The following LRFN2 variants were observed in gnomAD, a reference collection of about 807,000 sequenced individuals.
LRFN2 encodes leucine-rich repeat and fibronectin type-III domain-containing protein 2.
Under a neutral mutation model 37.3 loss-of-function variants are expected in LRFN2, and 18 were observed. That is an observed-to-expected ratio of 0.48 (90% confidence interval 0.33 to 0.72). The LOEUF (loss-of-function observed/expected upper bound fraction) is 0.72. Among genes scored for constraint, LRFN2 ranks in the 30% least tolerant of loss-of-function variants. LRFN2 has a pLI of 0.02. For synonymous variants in LRFN2, 556 were observed against 466.6 expected (o/e 1.19, Z -2.47); for missense variants, 1,006 against 1,060.7 (o/e 0.95, Z 0.72).
At chr6:40,485,028 T>C (rs575087230) in intron 1 of LRFN2, among the ~76,000 whole-genome samples, 1 of 152,236 alleles carries the variant, frequency 6.6e-6, no homozygotes, top group Non-Finnish European at 1.5e-5. Context: ...CACAATATTC[T>C]GCATTCATGT....
intron 1 of LRFN2, among the ~76,000 whole-genome samples, chr6:40,532,368 T>C (rs1766359449): frequency 6.6e-6 from 1 of 152,246 alleles, no homozygotes; most frequent in African/African-American, 2.4e-5. Flanking sequence ...AGCTATTTGT[T>C]TTATATTTGT....
Position 40,444,987 on chromosome 6 carries a change from C to A in LRFN2, c.-18-11856G>T, listed in dbSNP as rs1763934643. 2.0e-5 allele frequency among the ~76,000 whole-genome samples: 3 copies of A among 152,042 alleles called. No individual in the cohort carries two copies. The South Asian group carries it at 6.2e-4, about 32-fold the overall frequency. On this transcript the variant is annotated intron_variant, in intron 1 of 2. Coordinates refer to ENST00000338305, the MANE Select transcript of LRFN2 (RefSeq NM_020737.3). ...GAACATTGCAGTCAAGCCCTCCCTC[C>A]TTCCTGCACCCCCTCCACCTCACCC...
intron 1 of LRFN2, among the ~76,000 whole-genome samples, chr6:40,512,538 G>GGCCAA (rs1267071493): frequency 6.6e-6 from 1 of 152,168 alleles, no homozygotes; most frequent in Non-Finnish European, 1.5e-5. Flanking sequence ...CCCCAGGCCA[G>GGCCAA]GCCAAGCCAG....
chr6:40,431,473 G>A lies in LRFN2; in HGVS notation c.1400+241C>T, dbSNP rs141175563. On this transcript the variant is annotated intron_variant, in intron 2 of 2. Transcript: ENST00000338305. The stretch of plus-strand genomic sequence containing the variant: ...CTGACCACAGCCACCCAGCCGGGAG[G>A]TGTGGTCTTTCTTTACACATATCTC... 3.3e-3 allele frequency among the ~76,000 whole-genome samples: 510 copies of A among 152,358 alleles called. 9 individuals are homozygous for A. Among genetic ancestry groups the A allele is most frequent in the Admixed American group, 0.029 (443 of 15,308 alleles).
At chr6:40,549,333 C>G (rs1452686769) in intron 1 of LRFN2, among the ~76,000 whole-genome samples, 1 of 152,162 alleles carries the variant, frequency 6.6e-6, no homozygotes, top group Admixed American at 6.5e-5. Context: ...ATTGGCAAAA[C>G]TTGTCATGCA....
chr6:40,550,246 G>A (rs1002888267), intron 1 of LRFN2, among the ~76,000 whole-genome samples: 1 of 152,122 alleles, frequency 6.6e-6, no homozygotes, highest in Non-Finnish European at 1.5e-5. Context: ...TATGAGCAGA[G>A]CAAGCAGCTC....
At chr6:40,515,060 C>G (rs1765823794) in intron 1 of LRFN2, among the ~76,000 whole-genome samples, 2 of 152,214 alleles carry the variant, frequency 1.3e-5, no homozygotes, top group African/African-American at 4.8e-5. Context: ...TAATCCAGAA[C>G]AGTGGATAAT....
At chr6:40,497,332 C>G (rs955547159) in intron 1 of LRFN2, among the ~76,000 whole-genome samples, 2 of 152,110 alleles carry the variant, frequency 1.3e-5, no homozygotes, top group Non-Finnish European at 2.9e-5. Context: ...GTCAACCAGG[C>G]CCAACCTGTT....
chr6:40,486,198 C>A lies in LRFN2; in HGVS notation c.-18-53067G>T, dbSNP rs187723031. 2.5e-3 allele frequency among the ~76,000 whole-genome samples: 377 copies of A among 152,200 alleles called. 4 individuals are homozygous for A. Among genetic ancestry groups the A allele is most frequent in the African/African-American group, 8.2e-3 (341 of 41,532 alleles). ...CTCAAGTCAAAGATGCAGGTGTGGGCAGTGGGCAGTGGGAGTGGGGCTGGT... is the reference window on the plus strand; with the variant it reads ...CTCAAGTCAAAGATGCAGGTGTGGGAAGTGGGCAGTGGGAGTGGGGCTGGT... On this transcript the variant is annotated intron_variant, in intron 1 of 2. Coordinates refer to ENST00000338305, the MANE Select transcript of LRFN2 (RefSeq NM_020737.3).
rs190163900 is a variant in LRFN2 at position 40,567,591 on chromosome 6, G to A, written c.-19+19350C>T. On this transcript the variant is annotated intron_variant, in intron 1 of 2. Transcript: ENST00000338305. ...AATCTCAGCTCCAGAGAAGATATGG[G>A]ACACCAGGCAACAGAGCCAGAGAAG... 2.8e-3 allele frequency among the ~76,000 whole-genome samples: 422 copies of A among 152,288 alleles called. 3 individuals are homozygous for A. Among genetic ancestry groups the A allele is most frequent in the African/African-American group, 9.5e-3 (394 of 41,548 alleles).
chr6:40,440,601 C>T (rs1763812006), intron 1 of LRFN2, among the ~76,000 whole-genome samples: 1 of 152,204 alleles, frequency 6.6e-6, no homozygotes, highest in African/African-American at 2.4e-5. Context: ...CATGCTTGCA[C>T]CTCTGGGGCA....
At chr6:40,423,474 CA>C (rs1463080346) in intron 2 of LRFN2, among the ~76,000 whole-genome samples, 1 of 152,168 alleles carries the variant, frequency 6.6e-6, no homozygotes, top group Non-Finnish European at 1.5e-5. Context: ...GTCCTCACCA[CA>C]ATCCTATGAA....
At chr6:40,410,719 C>T (rs1394258139) in intron 2 of LRFN2, among the ~76,000 whole-genome samples, 1 of 152,190 alleles carries the variant, frequency 6.6e-6, no homozygotes, top group African/African-American at 2.4e-5. Flanking sequence ...CCACCCACCT[C>T]GCAGCAGGAC....
At chr6:40,537,415 A>T (rs1051060513) in intron 1 of LRFN2, among the ~76,000 whole-genome samples, 5 of 152,214 alleles carry the variant, frequency 3.3e-5, no homozygotes, top group Non-Finnish European at 7.3e-5. Context: ...CACCAGTCAC[A>T]ACCAACCATA....
At chr6:40,404,949 T>G (rs1037567258) in intron 2 of LRFN2, among the ~76,000 whole-genome samples, 10 of 151,990 alleles carry the variant, frequency 6.6e-5, no homozygotes, top group African/African-American at 2.2e-4. Context: ...CCCACTGGAG[T>G]GTTCTCTCTG....
intron 1 of LRFN2, among the ~76,000 whole-genome samples, chr6:40,461,447 A>G (rs1764345963): frequency 6.6e-6 from 1 of 152,010 alleles, no homozygotes; most frequent in African/African-American, 2.4e-5. Flanking sequence ...GAAATTATAC[A>G]CACTGCATGT....
intron 1 of LRFN2, among the ~76,000 whole-genome samples, chr6:40,529,280 A>G (rs1435531985): frequency 6.6e-6 from 1 of 152,184 alleles, no homozygotes; most frequent in East Asian, 1.9e-4. Flanking sequence ...ATGGGAAGGG[A>G]AAGTCCCAGT....
At chr6:40,567,539 T>A (rs1026563093) in intron 1 of LRFN2, among the ~76,000 whole-genome samples, 1 of 152,154 alleles carries the variant, frequency 6.6e-6, no homozygotes, top group Admixed American at 6.5e-5. Context: ...CCTCTCTGTG[T>A]CCCCATCTTC....
At chr6:40,418,772 A>G (rs1015998771) in intron 2 of LRFN2, among the ~76,000 whole-genome samples, 2 of 152,202 alleles carry the variant, frequency 1.3e-5, no homozygotes, top group Non-Finnish European at 2.9e-5. Flanking sequence ...CACACCTCAT[A>G]GGGTTAACAT....
Sources: allele counts gnomAD v4.1 joint callset (sites outside exome capture counted in the v4.1 genomes callset), GRCh38; gene constraint gnomAD v4.1.1; transcripts MANE v1.5; gene names NCBI Gene and HGNC (gene_info 2026-07-23, HGNC 2026-07-21).